The following CCDC91 variants were observed in gnomAD, a reference collection of about 807,000 sequenced individuals.
The protein encoded by CCDC91 is coiled-coil domain containing 91.
In CCDC91, 48 loss-of-function variants were observed where a neutral mutation model predicts 63.2. That is an observed-to-expected ratio of 0.76 (90% CI 0.60 to 0.97). CCDC91 has a LOEUF of 0.97. Among genes scored for constraint, CCDC91 ranks in the 50% least tolerant of loss-of-function variants. The pLI is 0.00. For missense variants in CCDC91, 500 were observed against 494.6 expected (o/e 1.01, Z -0.10); for synonymous variants, 167 against 165.8 (o/e 1.01, Z -0.06).
intron 6 of CCDC91, among the ~76,000 whole-genome samples, chr12:28,326,486 G>C (rs1296516703): frequency 6.7e-6 from 1 of 150,254 alleles, no homozygotes; most frequent in African/African-American, 2.4e-5. Flanking sequence ...TGCCATGCTG[G>C]TGCGCTGCAC....
chr12:28,483,279 T>A (rs1951542771), intron 11 of CCDC91, among the ~76,000 whole-genome samples: 2 of 152,032 alleles, frequency 1.3e-5, no homozygotes, highest in African/African-American at 4.8e-5. Flanking sequence ...TCCAATTGAT[T>A]GCCTTGATGT....
intron 8 of CCDC91, among the ~76,000 whole-genome samples, chr12:28,401,785 ATG>A (rs1455762582): frequency 3.9e-5 from 6 of 152,192 alleles, no homozygotes; most frequent in Admixed American, 1.3e-4. Flanking sequence ...TTAATGTTGT[ATG>A]TAAGAAATCT....
intron 1 of CCDC91, among the ~76,000 whole-genome samples, chr12:28,196,171 C>T (rs1486230891): frequency 6.6e-6 from 1 of 152,172 alleles, no homozygotes; most frequent in African/African-American, 2.4e-5. Flanking sequence ...TGTTTTTAAG[C>T]TTTCCGCATA....
intron 8 of CCDC91, among the ~76,000 whole-genome samples, chr12:28,392,060 TAGG>T (rs1565901769): frequency 6.6e-6 from 1 of 151,286 alleles, no homozygotes. Flanking sequence ...GAAATAAAAT[TAGG>T]AGTAGAATTT....
chr12:28,503,294 C>T (rs1206716724), intron 12 of CCDC91, among the ~76,000 whole-genome samples: 1 of 152,122 alleles, frequency 6.6e-6, no homozygotes, highest in East Asian at 1.9e-4. Context: ...AGTCACTTCT[C>T]AAAAGAAGAC....
chr12:28,535,902 G>A (rs1297070582), intron 12 of CCDC91, among the ~76,000 whole-genome samples: 6 of 151,874 alleles, frequency 4.0e-5, no homozygotes, highest in Middle Eastern at 3.4e-3. Flanking sequence ...GGTGGTGGGC[G>A]CCCATAGTCC....
intron 8 of CCDC91, among the ~76,000 whole-genome samples, chr12:28,421,681 G>A (rs1948023522): frequency 6.6e-6 from 1 of 151,746 alleles, no homozygotes; most frequent in Non-Finnish European, 1.5e-5. Flanking sequence ...ACAGTTTCCT[G>A]AAGAAGAAGA....
intron 3 of CCDC91, among the ~76,000 whole-genome samples, chr12:28,282,623 T>C (rs536426874): frequency 1.3e-5 from 2 of 152,256 alleles, no homozygotes; most frequent in African/African-American, 2.4e-5. Flanking sequence ...TGGGTAGATA[T>C]CCTCTAGTGT....
intron 11 of CCDC91, among the ~76,000 whole-genome samples, chr12:28,471,560 C>A (rs4930824): frequency 6.6e-6 from 1 of 152,140 alleles, no homozygotes; most frequent in East Asian, 1.9e-4. Flanking sequence ...TTAACAGACC[C>A]AGAGAACAAC....
rs1592721492 is a variant in CCDC91 at position 28,455,083 on chromosome 12, C to A, written c.1101+2429C>A. On this transcript the variant is annotated intron_variant, in intron 11 of 12. Transcript: ENST00000536442. ...AATAATGTATCTGATTATAATCATT[C>A]AAAAAAATGAAAATTATGCTAGTTG... 2.6e-5 allele frequency among the ~76,000 whole-genome samples: 4 copies of A among 151,686 alleles called. No individual in the cohort carries two copies. The East Asian group carries it at 7.8e-4, about 29-fold the overall frequency.
At chr12:28,337,402 T>C (rs1222069020) in intron 6 of CCDC91, among the ~76,000 whole-genome samples, 1 of 152,166 alleles carries the variant, frequency 6.6e-6, no homozygotes, top group African/African-American at 2.4e-5. Flanking sequence ...TAATATCTCA[T>C]CTTAGCAATG....
At chr12:28,228,629 T>C (rs1340620958) in intron 1 of CCDC91, among the ~76,000 whole-genome samples, 7 of 152,106 alleles carry the variant, frequency 4.6e-5, no homozygotes, top group African/African-American at 7.2e-5. Flanking sequence ...AGGTTTGAAA[T>C]CTGCCTACCT....
chr12:28,334,287 C>T (rs1941756473), intron 6 of CCDC91, among the ~76,000 whole-genome samples: 1 of 152,054 alleles, frequency 6.6e-6, no homozygotes, highest in Non-Finnish European at 1.5e-5. Context: ...CTTTATCTAG[C>T]TTCTGGCCTC....
intron 12 of CCDC91, among the ~76,000 whole-genome samples, chr12:28,527,390 T>C (rs1333804858): frequency 6.6e-6 from 1 of 152,228 alleles, no homozygotes; most frequent in Admixed American, 6.5e-5. Context: ...TATAGCCACC[T>C]AGCAAATGTA....
At chr12:28,206,186 G>A (rs1383373049) in intron 1 of CCDC91, among the ~76,000 whole-genome samples, 1 of 152,170 alleles carries the variant, frequency 6.6e-6, no homozygotes, top group Non-Finnish European at 1.5e-5. Flanking sequence ...TTGGGGCCTA[G>A]TGAGTGAGCT....
intron 3 of CCDC91, among the ~76,000 whole-genome samples, chr12:28,290,755 T>C (rs1284883115): frequency 2.0e-5 from 3 of 152,230 alleles, no homozygotes; most frequent in Non-Finnish European, 4.4e-5. Flanking sequence ...AGTTAAATGC[T>C]GAATATTCTA....
chr12:28,457,858 G>A (rs1950123428), intron 11 of CCDC91, among the ~76,000 whole-genome samples: 1 of 151,992 alleles, frequency 6.6e-6, no homozygotes, highest in African/African-American at 2.4e-5. Context: ...AAAGACGTTT[G>A]TTATTGACAC....
At chr12:28,259,256 T>C in intron 2 of CCDC91, 108 bp from the exon 3 acceptor site, 1 of 764,792 alleles carries the variant, frequency 1.3e-6, no homozygotes, top group East Asian at 2.6e-5. Flanking sequence ...AATATGAAAA[T>C]GTCTGGTGTG....
intron 8 of CCDC91, among the ~76,000 whole-genome samples, chr12:28,400,967 G>T (rs1479203574): frequency 2.0e-5 from 3 of 152,100 alleles, no homozygotes; most frequent in Non-Finnish European, 4.4e-5. Context: ...CCTGGCTCCT[G>T]AGTCCTCTAA....
Sources: allele counts gnomAD v4.1 joint callset (sites outside exome capture counted in the v4.1 genomes callset), GRCh38; gene constraint gnomAD v4.1.1; transcripts MANE v1.5; gene names NCBI Gene and HGNC (gene_info 2026-07-23, HGNC 2026-07-21).